Variants in DLG2 observed in about 807,000 individuals in gnomAD.
The protein encoded by DLG2 is discs large MAGUK scaffold protein 2.
Under a neutral mutation model 132.5 loss-of-function variants are expected in DLG2, and 45 were observed. That is an observed-to-expected ratio of 0.34 (90% CI 0.27 to 0.44). DLG2 has a LOEUF of 0.44. DLG2 is among the 20% of genes least tolerant of loss of function. The pLI is 1.00. For synonymous variants in DLG2, 424 were observed against 419.6 expected (o/e 1.01, Z -0.13); for missense variants, 1,045 against 1,196.9 (o/e 0.87, Z 1.87).
intron 4 of DLG2, among the ~76,000 whole-genome samples, chr11:85,272,170 G>T (rs2077575022): frequency 6.6e-6 from 1 of 151,996 alleles, no homozygotes; most frequent in Admixed American, 6.6e-5. Context: ...AAGACTTGAT[G>T]GTTTTATAAA....
At chr11:85,272,414 T>C (rs776317597) in intron 4 of DLG2, among the ~76,000 whole-genome samples, 1 of 152,188 alleles carries the variant, frequency 6.6e-6, no homozygotes. Flanking sequence ...TGGAGACTGA[T>C]ATGTCTTAAA....
intron 3 of DLG2, among the ~76,000 whole-genome samples, chr11:85,288,929 A>G (rs1209500328): frequency 6.6e-6 from 1 of 152,146 alleles, no homozygotes; most frequent in Non-Finnish European, 1.5e-5. Context: ...CTATGCATTT[A>G]TATCAATAAG....
At chr11:84,910,625 G>A (rs547638173) in intron 6 of DLG2, among the ~76,000 whole-genome samples, 1 of 152,112 alleles carries the variant, frequency 6.6e-6, no homozygotes, top group African/African-American at 2.4e-5. Flanking sequence ...AAAAGATATA[G>A]AATTTGGCCA....
chr11:84,354,053 C>T lies in DLG2; in HGVS notation c.520-102762G>A, dbSNP rs538894143. Reference sequence around the variant, plus strand: ...GGTGTGCCTGGTTTGTTTCTTACTTCATTAGCACCTAACACAATGTAAGTT... The same window carrying T: ...GGTGTGCCTGGTTTGTTTCTTACTTTATTAGCACCTAACACAATGTAAGTT... On this transcript the variant is annotated intron_variant, in intron 7 of 27. Transcript: ENST00000376104. 1.1e-3 allele frequency among the ~76,000 whole-genome samples: 175 copies of T among 152,290 alleles called. 1 individual carries two copies. In the Middle Eastern group the frequency reaches 0.024, roughly 21 times the overall value.
chr11:83,987,933 T>G (rs1449286077), intron 11 of DLG2, among the ~76,000 whole-genome samples: 1 of 152,196 alleles, frequency 6.6e-6, no homozygotes, highest in Non-Finnish European at 1.5e-5. Flanking sequence ...CATGGGTGTC[T>G]TCTTTTGAGA....
intron 6 of DLG2, among the ~76,000 whole-genome samples, chr11:84,971,607 T>C (rs1406151409): frequency 2.0e-5 from 3 of 152,168 alleles, no homozygotes; most frequent in Non-Finnish European, 4.4e-5. Flanking sequence ...CAAATATAGA[T>C]TTATTTGCAG....
intron 6 of DLG2, among the ~76,000 whole-genome samples, chr11:84,958,307 T>C (rs766214604): frequency 1.3e-5 from 2 of 152,290 alleles, no homozygotes; most frequent in East Asian, 3.9e-4. Context: ...GAAAGAGTAG[T>C]TGGAAAGTCC....
chr11:85,517,824 G>T (rs2094199016), intron 3 of DLG2, among the ~76,000 whole-genome samples: 2 of 152,104 alleles, frequency 1.3e-5, no homozygotes, highest in Admixed American at 1.3e-4. Flanking sequence ...GTTGTGGGAT[G>T]GACCCAGTGG....
chr11:83,791,512 C>A, intron 17 of DLG2: 2 of 626,836 alleles, frequency 3.2e-6, no homozygotes, highest in South Asian at 3.1e-5. Flanking sequence ...ACCATGAAAT[C>A]AGTTTATTTT....
chr11:85,364,991 T>C (rs919724587), intron 3 of DLG2, among the ~76,000 whole-genome samples: 1 of 151,968 alleles, frequency 6.6e-6, no homozygotes, highest in Admixed American at 6.6e-5. Context: ...CAAGAAAGAA[T>C]GCCAGTCATA....
At chr11:84,529,296 C>A (rs766454249) in intron 7 of DLG2, among the ~76,000 whole-genome samples, 4 of 152,208 alleles carry the variant, frequency 2.6e-5, no homozygotes, top group Non-Finnish European at 5.9e-5. Context: ...CTAGACAAAG[C>A]AATCAGGCAA....
At chr11:84,973,824 A>G (rs1486230597) in intron 6 of DLG2, among the ~76,000 whole-genome samples, 1 of 152,160 alleles carries the variant, frequency 6.6e-6, no homozygotes, top group Non-Finnish European at 1.5e-5. Context: ...GTTGTATTCC[A>G]TGAATACTTA....
intron 7 of DLG2, among the ~76,000 whole-genome samples, chr11:84,444,656 C>T (rs2099027567): frequency 6.6e-6 from 1 of 152,092 alleles, no homozygotes; most frequent in Admixed American, 6.5e-5. Flanking sequence ...GCCAGTACTA[C>T]ATTATGTATG....
chr11:85,463,679 G>A (rs1476717146), intron 3 of DLG2, among the ~76,000 whole-genome samples: 1 of 152,114 alleles, frequency 6.6e-6, no homozygotes, highest in Non-Finnish European at 1.5e-5. Context: ...GCTAAGGCGG[G>A]AGGATGACTT....
At chr11:84,873,192 T>C (rs2085756202) in intron 6 of DLG2, among the ~76,000 whole-genome samples, 1 of 152,122 alleles carries the variant, frequency 6.6e-6, no homozygotes. Context: ...CAAGGGCCTT[T>C]ATAAGAGGGA....
chr11:84,608,439 C>T (rs1479758941), intron 6 of DLG2, among the ~76,000 whole-genome samples: 2 of 152,156 alleles, frequency 1.3e-5, no homozygotes, highest in Non-Finnish European at 2.9e-5. Context: ...GAAGCAGTGA[C>T]TCATGAAATT....
intron 19 of DLG2, among the ~76,000 whole-genome samples, chr11:83,548,806 C>A (rs77442468): frequency 0.021 from 3,208 of 152,182 alleles, 113 homozygotes; most frequent in African/African-American, 0.072. Context: ...GAAGAAGCAG[C>A]CTTTCCTTCT....
At chr11:83,583,985 T>C (rs1182783026) in intron 19 of DLG2, among the ~76,000 whole-genome samples, 1 of 152,242 alleles carries the variant, frequency 6.6e-6, no homozygotes, top group Non-Finnish European at 1.5e-5. Context: ...TTTTTTTCTA[T>C]AATTAACTCA....
At chr11:84,406,195 C>T (rs533307438) in intron 7 of DLG2, among the ~76,000 whole-genome samples, 43 of 152,216 alleles carry the variant, frequency 2.8e-4, no homozygotes, top group African/African-American at 9.2e-4. Flanking sequence ...CTGAATATGC[C>T]CATTCCTTAA....
Sources: allele counts gnomAD v4.1 joint callset (sites outside exome capture counted in the v4.1 genomes callset), GRCh38; gene constraint gnomAD v4.1.1; transcripts MANE v1.5; gene names NCBI Gene and HGNC (gene_info 2026-07-23, HGNC 2026-07-21).